ARHGEF28: variants seen among roughly 807,000 people sequenced by gnomAD.
The protein encoded by ARHGEF28 is Rho guanine nucleotide exchange factor 28.
Under a neutral mutation model 206.6 loss-of-function variants are expected in ARHGEF28, and 152 were observed. That is an observed-to-expected ratio of 0.74 (90% CI 0.64 to 0.84). ARHGEF28 has a LOEUF of 0.84. ARHGEF28 is among the 40% of genes least tolerant of loss of function. The pLI is 0.00. For missense variants in ARHGEF28, 2,028 were observed against 2,073.2 expected, an observed-to-expected ratio of 0.98 and a Z score of 0.42; for synonymous variants, 763 against 776.4, an observed-to-expected ratio of 0.98 and a Z score of 0.29.
At chr5:73,727,242 A>G (rs7703182) in intron 2 of ARHGEF28, among the ~76,000 whole-genome samples, 52,423 of 152,028 alleles carry the variant, frequency 0.34, 10,496 homozygotes, top group African/African-American at 0.56. Context: ...AAGATGGGCA[A>G]GTTTCTTCTT....
In ARHGEF28 at chr5:73,940,857, C is replaced by A; in HGVS notation, c.4962C>A (p.Ser1654=). ...TGTTTCTTGCAGATTTGGACACCTCCCACACTGAGTCCCCAACCCCCCATG... is the reference window on the plus strand; with the variant it reads ...TGTTTCTTGCAGATTTGGACACCTCACACACTGAGTCCCCAACCCCCCATG... ...KDSCKNDLDT[S]HTESPTPHDS... is the part of the protein sequence containing the mutation. The change falls in exon 36 of 36, where the codon TCC becomes TCA. Residue 1654 remains serine (S), a synonymous_variant. Transcript: ENST00000513042. 1 of 1,517,514 alleles carries A rather than the reference C, an allele frequency of 6.6e-7. No individual in the cohort carries two copies. Among genetic ancestry groups the A allele is most frequent in the Non-Finnish European group, 8.8e-7 (1 of 1,140,492 alleles). The allele number at this position is 1,517,514 out of a possible 1,614,324, so 94.0% of individuals were successfully genotyped here.
At chr5:73,935,635 G>C (rs1427212685) in intron 35 of ARHGEF28, among the ~76,000 whole-genome samples, 4 of 152,134 alleles carry the variant, frequency 2.6e-5, no homozygotes, top group African/African-American at 9.7e-5. Context: ...GGGTAAATAT[G>C]AATCAACCAC....
intron 35 of ARHGEF28, among the ~76,000 whole-genome samples, chr5:73,936,941 C>T (rs1386562960): frequency 6.6e-6 from 1 of 152,080 alleles, no homozygotes; most frequent in Non-Finnish European, 1.5e-5. Context: ...TGAAAATAGC[C>T]AACTAGTCAG....
rs182852680 is a variant in ARHGEF28, at chr5:73,721,459, G to C, written c.34-28378G>C. On this transcript the variant is annotated intron_variant, in intron 2 of 35. Transcript: ENST00000513042. ...AATCTGAAACCTCTATAGTGCCTGG[G>C]TTTGGGCTACTGGTCAGTGACTTCA... 2.0e-5 allele frequency among the ~76,000 whole-genome samples: 3 copies of C among 152,320 alleles called. 1 individual carries two copies. Among genetic ancestry groups the C allele is most frequent in the Admixed American group, 1.3e-4 (2 of 15,302 alleles).
intron 22 of ARHGEF28, among the ~76,000 whole-genome samples, chr5:73,881,229 G>A (rs1229490777): frequency 1.3e-5 from 2 of 152,050 alleles, no homozygotes; most frequent in African/African-American, 2.4e-5. Flanking sequence ...TTAGAAGAAT[G>A]AGTCCTTCCA....
chr5:73,849,918 AG>A (rs1758596516), intron 13 of ARHGEF28, among the ~76,000 whole-genome samples: 1 of 152,016 alleles, frequency 6.6e-6, no homozygotes, highest in African/African-American at 2.4e-5. Flanking sequence ...TCAATGTCTT[AG>A]AGAATATCTT....
At chr5:73,915,921 T>C (rs1763186342) in intron 35 of ARHGEF28, among the ~76,000 whole-genome samples, 1 of 152,200 alleles carries the variant, frequency 6.6e-6, no homozygotes, top group Admixed American at 6.5e-5. Context: ...AAGCCAAATT[T>C]TATGTTAATA....
intron 10 of ARHGEF28, among the ~76,000 whole-genome samples, chr5:73,839,530 A>G (rs1166219772): frequency 1.3e-5 from 2 of 152,202 alleles, no homozygotes; most frequent in African/African-American, 4.8e-5. Flanking sequence ...GCTTAAAAGT[A>G]CGCCTTTCTT....
intron 35 of ARHGEF28, among the ~76,000 whole-genome samples, chr5:73,939,768 G>A (rs1422575369): frequency 6.6e-6 from 1 of 152,234 alleles, no homozygotes; most frequent in Non-Finnish European, 1.5e-5. Flanking sequence ...GGAGGGCAAA[G>A]GCCACAAGCA....
chr5:73,638,009 G>A (rs1292173958), intron 1 of ARHGEF28, among the ~76,000 whole-genome samples: 1 of 152,074 alleles, frequency 6.6e-6, no homozygotes, highest in Non-Finnish European at 1.5e-5. Context: ...TGATGTTATA[G>A]AAACAAGTGA....
intron 2 of ARHGEF28, among the ~76,000 whole-genome samples, chr5:73,686,084 C>A (rs1198835895): frequency 6.6e-6 from 1 of 152,104 alleles, no homozygotes; most frequent in Non-Finnish European, 1.5e-5. Context: ...CAAATTGATT[C>A]CAGAATAGTA....
intron 2 of ARHGEF28, among the ~76,000 whole-genome samples, chr5:73,730,930 A>G (rs1750584216): frequency 6.6e-6 from 1 of 151,596 alleles, no homozygotes; most frequent in Non-Finnish European, 1.5e-5. Flanking sequence ...TGTCTTTGGG[A>G]CAGTATGTAC....
Position 73,867,952 on chromosome 5 carries a change from T to C in ARHGEF28, c.2229T>C (p.Thr743=). The change falls in exon 19 of 36, where the codon ACT becomes ACC. Residue 743 remains threonine, a synonymous_variant. Transcript: ENST00000513042. Reference sequence around the variant, plus strand: ...CCTCCGTGCCTGTTGGATTGCCGACTGGAAGGAGGGAGACTGTGGGACAGG... The same window carrying C: ...CCTCCGTGCCTGTTGGATTGCCGACCGGAAGGAGGGAGACTGTGGGACAGG... ...PSSSVPVGLP[T]GRRETVGQVH... is the part of the protein sequence containing the mutation. 1 of 1,614,024 alleles carries C rather than the reference T, an allele frequency of 6.2e-7. No individual in the cohort carries two copies. Among genetic ancestry groups the C allele is most frequent in the East Asian group, 2.2e-5 (1 of 44,888 alleles).
intron 8 of ARHGEF28, 109 bp downstream of exon 8, chr5:73,794,563 C>A: frequency 1.1e-6 from 1 of 905,036 alleles, no homozygotes; most frequent in Non-Finnish European, 1.7e-6. Context: ...GGATGTGCCC[C>A]AAGTCACTTT....
At chr5:73,899,582 A>G (rs531278815) in intron 30 of ARHGEF28, 3 of 152,264 alleles carry the variant, frequency 2.0e-5, no homozygotes, top group Non-Finnish European at 2.9e-5. Flanking sequence ...AGACTGGAAC[A>G]TGGTGCTATG....
chr5:73,855,486 C>CT (rs1758966121), intron 14 of ARHGEF28, among the ~76,000 whole-genome samples: 1 of 152,114 alleles, frequency 6.6e-6, no homozygotes, highest in African/African-American at 2.4e-5. Flanking sequence ...AATCCCAGCA[C>CT]TTTGGGAGGC....
chr5:73,867,613 G>A (rs1759791597), intron 18 of ARHGEF28, among the ~76,000 whole-genome samples: 1 of 152,124 alleles, frequency 6.6e-6, no homozygotes, highest in African/African-American at 2.4e-5. Context: ...CCATTGTCTT[G>A]TTTGTTTGTG....
At chr5:73,645,171 GTTGT>G (rs202015873) in intron 1 of ARHGEF28, among the ~76,000 whole-genome samples, 281 of 152,026 alleles carry the variant, frequency 1.8e-3, no homozygotes, top group African/African-American at 5.7e-3. Context: ...AAATTATTAA[GTTGT>G]TTGTTTGTTT....
At chr5:73,868,349 G>A in intron 20 of ARHGEF28, 122 bp downstream of exon 20, 1 of 1,272,576 alleles carries the variant, frequency 7.9e-7, no homozygotes, top group Non-Finnish European at 1.0e-6. Context: ...CTGTTTCAGG[G>A]TGTCTCTTTG....
Sources: allele counts gnomAD v4.1 joint callset (sites outside exome capture counted in the v4.1 genomes callset), GRCh38; gene constraint gnomAD v4.1.1; transcripts MANE v1.5; gene names NCBI Gene and HGNC (gene_info 2026-07-23, HGNC 2026-07-21).